ANKRD30BL: variants seen among roughly 807,000 people sequenced by gnomAD.
ANKRD30BL encodes the protein putative ankyrin repeat domain-containing protein 30B-like.
A neutral mutation model predicts 18.4 loss-of-function variants in ANKRD30BL; 20 were observed. The observed-to-expected ratio is 1.09, with a 90% CI of 0.77 to 1.58. ANKRD30BL has a LOEUF of 1.58. Ranked by LOEUF, ANKRD30BL falls within the 40% of genes most tolerant of loss-of-function variation. ANKRD30BL has a pLI of 0.00. For missense variants in ANKRD30BL, 224 were observed against 268.6 expected (o/e 0.83, Z 1.16); for synonymous variants, 72 against 100.9 (o/e 0.71, Z 1.72).
At chr2:132,245,427 GA>G (rs376323530) in intron 1 of ANKRD30BL, among the ~76,000 whole-genome samples, 2 of 7,248 alleles carry the variant, frequency 2.8e-4, no homozygotes, top group Non-Finnish European at 6.1e-4. Flanking sequence ...GGCCTATGGA[GA>G]AAAAAGGAAA....
intron 1 of ANKRD30BL, among the ~76,000 whole-genome samples, chr2:132,198,323 T>TCTTTCTTTCTTTC (rs1679015443): frequency 3.7e-4 from 3 of 8,084 alleles, no homozygotes; most frequent in Non-Finnish European, 1.2e-3. Flanking sequence ...TTTCTTTCTT[T>TCTTTCTTTCTTTC]CTTTTTTTTT....
chr2:132,223,311 C>G (rs534612742), intron 1 of ANKRD30BL, among the ~76,000 whole-genome samples: 87 of 149,356 alleles, frequency 5.8e-4, no homozygotes, highest in African/African-American at 2.1e-3. Context: ...AGCATTCTCA[C>G]AAACTTCTTT....
intron 1 of ANKRD30BL, among the ~76,000 whole-genome samples, chr2:132,210,376 TAAA>T (rs1420301131): frequency 6.6e-6 from 1 of 151,706 alleles, no homozygotes; most frequent in Admixed American, 6.6e-5. Flanking sequence ...CATCTTCACA[TAAA>T]AACTGGATGG....
intron 1 of ANKRD30BL, among the ~76,000 whole-genome samples, chr2:132,214,153 A>G (rs1679429717): frequency 6.6e-6 from 1 of 152,046 alleles, no homozygotes; most frequent in Non-Finnish European, 1.5e-5. Context: ...GGAAAAGGAA[A>G]TATCTTCACA....
chr2:132,179,181 T>C (rs1244315601), intron 1 of ANKRD30BL, among the ~76,000 whole-genome samples: 2 of 152,242 alleles, frequency 1.3e-5, no homozygotes, highest in African/African-American at 4.8e-5. Context: ...ACAGACCTAT[T>C]GTGCTGCCAG....
rs902679220 is a variant in ANKRD30BL, at chr2:132,190,634, A to G, written n.442-33488T>C. On this transcript the variant is annotated intron_variant and non_coding_transcript_variant, in intron 1 of 4. Coordinates refer to the ANKRD30BL transcript ENST00000470729. ...ATAGACTATACATGACTGGAATTTC[A>G]GAGGCATGTATGCAATATGAGTTTA... 5.4e-4 allele frequency among the ~76,000 whole-genome samples: 82 copies of G among 152,158 alleles called. 1 individual carries two copies. The highest frequency in any genetic ancestry group is 1.0e-3 in the Non-Finnish European group (69 of 68,028).
In ANKRD30BL at chr2:132,173,238, A is replaced by G. The variant is rs549105246; in HGVS notation, n.442-16092T>C. Among the ~76,000 whole-genome samples the G allele has an allele frequency of 2.8e-3, 419 of 149,816 alleles. 1 individual carries two copies. Among genetic ancestry groups the G allele is most frequent in the African/African-American group, 9.8e-3 (399 of 40,762 alleles). On this transcript the variant is annotated intron_variant and non_coding_transcript_variant, in intron 1 of 4. Transcript: ENST00000470729. ...TATGTAAGTTAAGGGCCCAAACTTT[A>G]TATTTTGCCTGTGGATATCCAGTTT...
At chr2:132,228,564 G>C (rs191543496) in intron 1 of ANKRD30BL, among the ~76,000 whole-genome samples, 1 of 151,408 alleles carries the variant, frequency 6.6e-6, no homozygotes. Flanking sequence ...TGGACATTTG[G>C]AGCGCTTTGA....
chr2:132,248,692 C>T (rs1392346225), intron 1 of ANKRD30BL, among the ~76,000 whole-genome samples: 2 of 151,570 alleles, frequency 1.3e-5, no homozygotes, highest in Non-Finnish European at 3.0e-5. Flanking sequence ...TTTCCAGACT[C>T]GTCAAAGAAT....
chr2:132,248,093 G>T (rs1274477760), intron 1 of ANKRD30BL, among the ~76,000 whole-genome samples: 1 of 151,930 alleles, frequency 6.6e-6, no homozygotes, highest in Non-Finnish European at 1.5e-5. Context: ...TAGTTATTAT[G>T]TGAAGACATT....
At chr2:132,250,190 T>C (rs1680614275) in intron 1 of ANKRD30BL, among the ~76,000 whole-genome samples, 1 of 152,146 alleles carries the variant, frequency 6.6e-6, no homozygotes, top group African/African-American at 2.4e-5. Context: ...CTCAAAGCAC[T>C]CACAAATATC....
At chr2:132,198,387 G>A (rs563143882) in intron 1 of ANKRD30BL, among the ~76,000 whole-genome samples, 49 of 138,478 alleles carry the variant, frequency 3.5e-4, no homozygotes, top group African/African-American at 1.3e-3. Context: ...GAAGTGGAGC[G>A]ATCTCGGCTC....
intron 1 of ANKRD30BL, among the ~76,000 whole-genome samples, chr2:132,216,555 G>C (rs368427914): frequency 6.6e-6 from 1 of 151,992 alleles, no homozygotes; most frequent in African/African-American, 2.4e-5. Context: ...GAAGCATTCT[G>C]AGAAACTTCT....
At chr2:132,235,751 T>C (rs1429437932) in intron 1 of ANKRD30BL, among the ~76,000 whole-genome samples, 2 of 152,042 alleles carry the variant, frequency 1.3e-5, no homozygotes, top group African/African-American at 2.4e-5. Context: ...ATCATGAAAA[T>C]GGCCATACTG....
chr2:132,199,004 A>G (rs1333598368), intron 1 of ANKRD30BL, among the ~76,000 whole-genome samples: 2 of 152,178 alleles, frequency 1.3e-5, no homozygotes, highest in Non-Finnish European at 2.9e-5. Flanking sequence ...CTGAAGTTAT[A>G]AAATTACTTC....
intron 1 of ANKRD30BL, among the ~76,000 whole-genome samples, chr2:132,200,552 A>G (rs1365936218): frequency 1.3e-5 from 2 of 152,210 alleles, no homozygotes; most frequent in East Asian, 3.8e-4. Context: ...CAATTGCTTC[A>G]AAGAGAATAA....
chr2:132,251,903 T>C (rs1680658356), intron 1 of ANKRD30BL, among the ~76,000 whole-genome samples: 1 of 152,266 alleles, frequency 6.6e-6, no homozygotes, highest in Non-Finnish European at 1.5e-5. Flanking sequence ...TGTTTTGATT[T>C]TGTGTTATGG....
At chr2:132,183,723 G>A (rs577973324) in intron 1 of ANKRD30BL, among the ~76,000 whole-genome samples, 2 of 152,172 alleles carry the variant, frequency 1.3e-5, no homozygotes, top group Admixed American at 6.5e-5. Context: ...ATATATGTGT[G>A]TATGTATATA....
Position 132,154,687 on chromosome 2 carries a change from C to T in ANKRD30BL, c.589G>A (p.Ala197Thr). Residue 197 changes from alanine to threonine, a missense_variant, in exon 4 of 6, where the codon GCA (alanine) becomes ACA (threonine). Transcript: ENST00000409867. ...VEFLLTKNAN[A>T]NAVDKFKCVH... ...CATTTAAACTTATCAACTGCATTTG[C>T]ATTTGCATTTTTTGTCAGTAAAAAT... The T allele has an allele frequency of 1.4e-6, 1 of 725,972 alleles. No individual in the cohort carries two copies. The highest frequency in any genetic ancestry group is 2.6e-6 in the Non-Finnish European group (1 of 388,862). The allele number at this position is 725,972 out of a possible 1,614,324, so 45.0% of individuals were successfully genotyped here. A position where few individuals can be genotyped will look rare whatever the true frequency, so the allele number is the denominator to read the frequency against.
Sources: gnomAD v4.1 joint callset for allele counts (sites outside exome capture counted in the v4.1 genomes callset) on GRCh38, gnomAD v4.1.1 for gene constraint, MANE v1.5 for transcripts, NCBI Gene and HGNC (gene_info 2026-07-23, HGNC 2026-07-21) for gene names.